EXOC6: variants seen among roughly 807,000 people sequenced by gnomAD.
The protein encoded by EXOC6 is exocyst complex component 6.
Under a neutral mutation model 112.5 loss-of-function variants are expected in EXOC6, and 60 were observed. The observed-to-expected ratio is 0.53, with a 90% confidence interval of 0.43 to 0.66. The LOEUF is 0.66. Among genes scored for constraint, EXOC6 ranks in the 30% least tolerant of loss-of-function variants. The pLI is 0.00. For missense variants in EXOC6, 855 were observed against 957.1 expected, an observed-to-expected ratio of 0.89 and a Z score of 1.41; for synonymous variants, 295 against 308.0, an observed-to-expected ratio of 0.96 and a Z score of 0.44.
At position 93,014,246 on chromosome 10, in the gene EXOC6, A is replaced by G. The variant is rs188111723; in HGVS notation, c.2148A>G (p.Leu716=). 3.2e-5 allele frequency: 51 copies of G among 1,613,458 alleles called. 1 individual carries two copies. In the Admixed American group the frequency reaches 5.5e-4, roughly 17 times the overall value. Residue 716 remains leucine (L), a synonymous_variant, in exon 20 of 22, where the codon CTA becomes CTG. Transcript: ENST00000260762. ...GATTCCAGGGGGATACCCTGCAGCTAGCATTCATTGACCTCAGACAAGTAA... is the reference window on the plus strand; with the variant it reads ...GATTCCAGGGGGATACCCTGCAGCTGGCATTCATTGACCTCAGACAAGTAA... ...VPGFQGDTLQ[L]AFIDLRQLLD...
At chr10:92,947,668 A>T (rs559728957) in intron 13 of EXOC6, among the ~76,000 whole-genome samples, 8 of 152,280 alleles carry the variant, frequency 5.3e-5, no homozygotes, top group Admixed American at 2.6e-4. Flanking sequence ...TCAGCACTTT[A>T]GGAGGCCGAG....
At chr10:93,011,557 C>T (rs1295627047) in intron 19 of EXOC6, among the ~76,000 whole-genome samples, 1 of 152,038 alleles carries the variant, frequency 6.6e-6, no homozygotes, top group Non-Finnish European at 1.5e-5. Flanking sequence ...CCACCATGCC[C>T]AGCCAAAAAA....
intron 1 of EXOC6, among the ~76,000 whole-genome samples, chr10:92,872,573 A>G (rs913288674): frequency 1.3e-5 from 2 of 151,964 alleles, no homozygotes; most frequent in Admixed American, 1.3e-4. Flanking sequence ...ATTGAGAGAG[A>G]TATGTTAAAG....
chr10:92,844,750 A>G (rs1589682624), upstream of EXOC6, among the ~76,000 whole-genome samples: 1 of 152,206 alleles, frequency 6.6e-6, no homozygotes, highest in Non-Finnish European at 1.5e-5. Context: ...CATAATACAT[A>G]TATTATCTTC....
At chr10:93,017,015 C>T (rs974836010) in intron 20 of EXOC6, among the ~76,000 whole-genome samples, 12 of 151,816 alleles carry the variant, frequency 7.9e-5, no homozygotes, top group South Asian at 2.1e-4. Context: ...GGGGTTTCGC[C>T]GGGTTGGCCA....
At chr10:92,844,953 G>T (rs887567325), upstream of EXOC6, among the ~76,000 whole-genome samples, 12 of 152,194 alleles carry the variant, frequency 7.9e-5, no homozygotes, top group African/African-American at 2.9e-4. Context: ...TCTGAGGGAG[G>T]CGCTTTCCCA....
At chr10:92,951,143 C>G (rs1217038890) in intron 14 of EXOC6, among the ~76,000 whole-genome samples, 1 of 152,132 alleles carries the variant, frequency 6.6e-6, no homozygotes, top group Non-Finnish European at 1.5e-5. Context: ...AGTAACTCAT[C>G]TCAATGGTAC....
intron 17 of EXOC6, among the ~76,000 whole-genome samples, chr10:92,966,904 A>G (rs1761966264): frequency 1.5e-5 from 2 of 132,812 alleles, no homozygotes; most frequent in Non-Finnish European, 3.1e-5. Flanking sequence ...CAGTCCCACC[A>G]ACAGTGTAAA....
At position 92,834,760 on chromosome 10, in the gene EXOC6, C is replaced by T. The variant is rs2133570314; in HGVS notation, c.22C>T (p.Gln8Ter). ...AGCGATGTTGGAAGAAGAAACAGATCAAACCTATGAGAATGTCCTGGCTGA... is the reference window on the plus strand; with the variant it reads ...AGCGATGTTGGAAGAAGAAACAGATTAAACCTATGAGAATGTCCTGGCTGA... Residue 8 changes from glutamine (Q) to a stop codon, truncating the protein, a stop_gained, in exon 1 of 22, where the codon CAA (glutamine) becomes TAA (stop). Coordinates refer to the EXOC6 transcript ENST00000371552. LOFTEE classifies it high-confidence loss of function. 1.2e-6 allele frequency: 2 copies of T among 1,610,632 alleles called. No homozygotes were observed. Among genetic ancestry groups the T allele is most frequent in the East Asian group, 4.5e-5 (2 of 44,852 alleles).
At chr10:92,868,628 G>T (rs992512229) in intron 1 of EXOC6, among the ~76,000 whole-genome samples, 9 of 152,092 alleles carry the variant, frequency 5.9e-5, no homozygotes, top group African/African-American at 2.2e-4. Context: ...AAATTAATTA[G>T]GGAGAACAGG....
At chr10:92,978,328 T>C (rs1756199912) in intron 18 of EXOC6, among the ~76,000 whole-genome samples, 1 of 152,160 alleles carries the variant, frequency 6.6e-6, no homozygotes, top group Admixed American at 6.5e-5. Context: ...GAGGATGGCT[T>C]GAGCGTGGGA....
intron 1 of EXOC6, among the ~76,000 whole-genome samples, chr10:92,868,689 A>G (rs1318997882): frequency 1.3e-5 from 2 of 152,170 alleles, no homozygotes; most frequent in African/African-American, 4.8e-5. Context: ...ATGTCTTTCA[A>G]GAGAGTTAAA....
At chr10:92,874,244 T>C (rs1848588246) in intron 1 of EXOC6, among the ~76,000 whole-genome samples, 1 of 152,254 alleles carries the variant, frequency 6.6e-6, no homozygotes, top group South Asian at 2.1e-4. Context: ...CAGTACAATA[T>C]TGTTGGTGTT....
At chr10:92,964,231 TTATA>T (rs1193486718) in intron 17 of EXOC6, among the ~76,000 whole-genome samples, 3 of 151,528 alleles carry the variant, frequency 2.0e-5, no homozygotes, top group Admixed American at 6.6e-5. Context: ...ATAATGGAAA[TTATA>T]TATATATTTT....
At chr10:92,979,328 C>G (rs1413502474) in intron 18 of EXOC6, among the ~76,000 whole-genome samples, 2 of 152,142 alleles carry the variant, frequency 1.3e-5, no homozygotes, top group Non-Finnish European at 2.9e-5. Flanking sequence ...CCTGGCTAAT[C>G]AGAATATTTT....
At chr10:92,827,832 A>G (rs1371264023) in intron 1 of EXOC6, among the ~76,000 whole-genome samples, 1 of 152,076 alleles carries the variant, frequency 6.6e-6, no homozygotes, top group African/African-American at 2.4e-5. Context: ...CCCCCAATTC[A>G]ACGCTGACCT....
Position 92,934,153 on chromosome 10 carries a change from G to C in EXOC6, c.982G>C (p.Val328Leu). The stretch of plus-strand genomic sequence containing the variant: ...TATTTTTCATTTTAAGCATGAAACA[G>C]TTGATGGCTATAGAAGATATTTCAC... Reference protein sequence around the residue: ...LQPQSNMHETVDGYRRYFTQI... With the variant: ...LQPQSNMHETLDGYRRYFTQI... Residue 328 changes from valine (V) to leucine (L), a missense_variant, in exon 10 of 22, where the codon GTT becomes CTT. Val to Leu is a conservative substitution (Grantham distance 32). Transcript: ENST00000260762. 6.5e-7 allele frequency: 1 copy of C among 1,536,540 alleles called. No homozygotes were observed. Among genetic ancestry groups the C allele is most frequent in the Non-Finnish European group, 8.9e-7 (1 of 1,119,988 alleles).
At chr10:92,986,681 TAA>T (rs751652354) in intron 18 of EXOC6, among the ~76,000 whole-genome samples, 18 of 125,080 alleles carry the variant, frequency 1.4e-4, no homozygotes, top group Non-Finnish European at 1.7e-4. Context: ...TATCTTTTTC[TAA>T]AAAAAAAAAA....
chr10:93,002,304 G>A (rs1483731838), intron 19 of EXOC6, among the ~76,000 whole-genome samples: 1 of 152,180 alleles, frequency 6.6e-6, no homozygotes, highest in African/African-American at 2.4e-5. Flanking sequence ...CTGTGGATTT[G>A]TAATCATTCT....
Sources: gnomAD v4.1 joint callset for allele counts (sites outside exome capture counted in the v4.1 genomes callset) on GRCh38, gnomAD v4.1.1 for gene constraint, MANE v1.5 for transcripts, NCBI Gene and HGNC (gene_info 2026-07-23, HGNC 2026-07-21) for gene names.